The following AGAP1 variants were observed in gnomAD, a reference collection of about 807,000 sequenced individuals.
AGAP1 encodes the protein ArfGAP with GTPase domain, ankyrin repeat and PH domain 1.
AGAP1 carries 29 observed loss-of-function variants against 105.3 expected under a neutral mutation model. The observed-to-expected ratio is 0.28, with a 90% CI of 0.21 to 0.38. The LOEUF (loss-of-function observed/expected upper bound fraction) is 0.38. Ranked by LOEUF, AGAP1 falls within the 10% of genes least tolerant of loss-of-function variation. The probability of loss-of-function intolerance (pLI) is 1.00; values close to 1 mark genes in which losing one functional copy is unlikely to be tolerated. For synonymous variants in AGAP1, 509 were observed against 485.9 expected, an observed-to-expected ratio of 1.05 and a Z score of -0.63; for missense variants, 998 against 1,165.1, an observed-to-expected ratio of 0.86 and a Z score of 2.09.
chr2:235,683,882 G>A (rs112278212), intron 1 of AGAP1, among the ~76,000 whole-genome samples: 74 of 143,338 alleles, frequency 5.2e-4, no homozygotes, highest in African/African-American at 1.9e-3. Context: ...AGTGTGTGAT[G>A]TTCCCCGCCC....
intron 16 of AGAP1, among the ~76,000 whole-genome samples, chr2:236,084,225 G>GA (rs2058863236): frequency 6.7e-6 from 1 of 150,324 alleles, no homozygotes; most frequent in Non-Finnish European, 1.5e-5. Context: ...CTGAAGGGCG[G>GA]GGGGGGGTCT....
Position 235,724,150 on chromosome 2 carries a change from T to G in AGAP1, c.310+6506T>G, listed in dbSNP as rs1420371704. Among the ~76,000 whole-genome samples the G allele has an allele frequency of 6.6e-6, 1 of 152,246 alleles. No homozygotes were observed. The highest frequency in any genetic ancestry group is 1.5e-5 in the Non-Finnish European group (1 of 68,044). On this transcript the variant is annotated intron_variant, in intron 3 of 17. Coordinates refer to ENST00000304032, the MANE Select transcript of AGAP1 (RefSeq NM_001037131.3). This position sits in a 1 kb window ranked among gnomAD's most constrained non-coding sequence, Gnocchi z 4.9. ...CTTCAGTGATGGAATCTGGAGTTTC[T>G]GACTGATTCTTAACCAACTCAAAAT...
intron 16 of AGAP1, among the ~76,000 whole-genome samples, chr2:236,075,926 G>C (rs986780101): frequency 6.6e-6 from 1 of 152,170 alleles, no homozygotes; most frequent in Non-Finnish European, 1.5e-5. Flanking sequence ...GCAAACCTCC[G>C]CAGGGAGTGA....
At chr2:235,710,313 C>T (rs1384117451) in intron 2 of AGAP1, among the ~76,000 whole-genome samples, 3 of 152,188 alleles carry the variant, frequency 2.0e-5, no homozygotes, top group Admixed American at 2.0e-4. Context: ...TTTGAAGAGA[C>T]TTTTGTCACC....
rs974555518 is a variant in AGAP1 at position 235,893,944 on chromosome 2, C to G, written c.1155+10495C>G. Among the ~76,000 whole-genome samples the G allele has an allele frequency of 6.6e-6, 1 of 152,168 alleles. No individual in the cohort carries two copies. The highest frequency in any genetic ancestry group is 1.5e-5 in the Non-Finnish European group (1 of 68,038). The stretch of plus-strand genomic sequence containing the variant: ...TACTCACCATGTCTTACAACATGAC[C>G]TCCCTAAACTGACATAGGGTTGGGT... On this transcript the variant is annotated intron_variant, in intron 10 of 17. Coordinates refer to ENST00000304032, the MANE Select transcript of AGAP1 (RefSeq NM_001037131.3). This position sits in a 1 kb window ranked among gnomAD's most constrained non-coding sequence, Gnocchi z 4.7.
rs540548324 is a variant in AGAP1, at chr2:235,801,098, C to G, written c.957+1576C>G. Among the ~76,000 whole-genome samples the G allele has an allele frequency of 1.3e-5, 2 of 152,318 alleles. No individual in the cohort carries two copies. Among genetic ancestry groups the G allele is most frequent in the East Asian group, 1.9e-4 (1 of 5,170 alleles). Reference sequence around the variant, plus strand: ...CGGTTGCCAGCTGCACACACCCCCTCGTCCCCAGCCTCCCCTTGCTTTTGC... The same window carrying G: ...CGGTTGCCAGCTGCACACACCCCCTGGTCCCCAGCCTCCCCTTGCTTTTGC... On this transcript the variant is annotated intron_variant, in intron 8 of 17. Transcript: ENST00000304032. The surrounding 1 kb of genome is among the most constrained non-coding windows in gnomAD (Gnocchi z 6.0).
intron 1 of AGAP1, among the ~76,000 whole-genome samples, chr2:235,537,596 C>A (rs1048636873): frequency 2.0e-5 from 3 of 152,208 alleles, no homozygotes; most frequent in Non-Finnish European, 4.4e-5. Flanking sequence ...TTAAAGCTTG[C>A]AGCTCTCCAT....
Position 235,739,992 on chromosome 2 carries a change from CG to C in AGAP1, c.311-969del, listed in dbSNP as rs1229517044. ...TCTGGACGGCATCTGCACAGAGGAG[CG>C]GAAGACAAGAGCTGGGAACCGATGC... On this transcript the variant is annotated intron_variant, in intron 3 of 17. Coordinates refer to ENST00000304032, the MANE Select transcript of AGAP1 (RefSeq NM_001037131.3). This position sits in a 1 kb window ranked among gnomAD's most constrained non-coding sequence, Gnocchi z 5.3. Among the ~76,000 whole-genome samples the C allele has an allele frequency of 1.3e-5, 2 of 152,194 alleles. No individual in the cohort carries two copies. Among genetic ancestry groups the C allele is most frequent in the Non-Finnish European group, 2.9e-5 (2 of 68,030 alleles).
intron 12 of AGAP1, among the ~76,000 whole-genome samples, chr2:235,946,308 CAG>C (rs1158284848): frequency 8.5e-6 from 1 of 117,170 alleles, no homozygotes; most frequent in Non-Finnish European, 1.7e-5. Context: ...TTTTTTGAGA[CAG>C]AGTCTTGTTC....
intron 1 of AGAP1, chr2:235,524,530 G>A: frequency 3.0e-6 from 1 of 337,432 alleles, no homozygotes; most frequent in East Asian, 1.3e-4. Flanking sequence ...GCTGCACCCA[G>A]CCCCCATGGG....
Position 235,970,552 on chromosome 2 carries a change from A to G in AGAP1, c.1645+1929A>G, listed in dbSNP as rs1433203785. ...CCCTTTAAGGACAGGCCTTGTTCTCACTTTCACAGGCACGCGTCTTCTTGC... is the reference window on the plus strand; with the variant it reads ...CCCTTTAAGGACAGGCCTTGTTCTCGCTTTCACAGGCACGCGTCTTCTTGC... On this transcript the variant is annotated intron_variant, in intron 13 of 17. Transcript: ENST00000304032. This position sits in a 1 kb window ranked among gnomAD's most constrained non-coding sequence, Gnocchi z 5.4. Among the ~76,000 whole-genome samples, 1 of 152,126 alleles carries G rather than the reference A, an allele frequency of 6.6e-6. No individual in the cohort carries two copies. Among genetic ancestry groups the G allele is most frequent in the Non-Finnish European group, 1.5e-5 (1 of 68,028 alleles).
At chr2:235,640,308 A>G (rs1411062216) in intron 1 of AGAP1, among the ~76,000 whole-genome samples, 1 of 152,232 alleles carries the variant, frequency 6.6e-6, no homozygotes, top group Admixed American at 6.5e-5. Flanking sequence ...AGAGAAAATG[A>G]TCTCTACTGG....
intron 1 of AGAP1, among the ~76,000 whole-genome samples, chr2:235,649,372 T>C (rs558401073): frequency 6.6e-6 from 1 of 152,312 alleles, no homozygotes; most frequent in South Asian, 2.1e-4. Context: ...AGTTTTAATT[T>C]ATTGTTTTAC....
Position 235,908,651 on chromosome 2 carries a change from A to G in AGAP1, c.1156-87A>G, listed in dbSNP as rs1238601132. The G allele has an allele frequency of 7.7e-7, 1 of 1,303,254 alleles. No homozygotes were observed. Among genetic ancestry groups the G allele is most frequent in the Non-Finnish European group, 1.1e-6 (1 of 947,926 alleles). The allele number at this position is 1,303,254 out of a possible 1,614,324, so 80.7% of individuals were successfully genotyped here. On this transcript the variant is annotated intron_variant, in intron 10 of 17. Transcript: ENST00000304032. The surrounding 1 kb of genome is among the most constrained non-coding windows in gnomAD (Gnocchi z 4.4). ...TGGAAGGGTCATAGGGTTTTAACTC[A>G]TGACGTCTGATAGACCCTTTTGTTC...
intron 9 of AGAP1, among the ~76,000 whole-genome samples, chr2:235,813,218 C>T (rs868558925): frequency 6.6e-6 from 1 of 152,224 alleles, no homozygotes; most frequent in African/African-American, 2.4e-5. Flanking sequence ...ACAATATGTT[C>T]CTCACAAGAT....
chr2:236,064,238 A>G (rs998086611), intron 16 of AGAP1, among the ~76,000 whole-genome samples: 2 of 152,212 alleles, frequency 1.3e-5, no homozygotes, highest in African/African-American at 4.8e-5. Flanking sequence ...GCATGGAGTT[A>G]TGGCTGCAAA....
chr2:236,116,838 G>C (rs915604436), intron 16 of AGAP1, among the ~76,000 whole-genome samples: 3 of 151,792 alleles, frequency 2.0e-5, no homozygotes, highest in Admixed American at 1.3e-4. Context: ...GTATCAGTGA[G>C]AACATGCGAT....
At chr2:235,933,266 C>T (rs187456833) in intron 12 of AGAP1, among the ~76,000 whole-genome samples, 129 of 152,138 alleles carry the variant, frequency 8.5e-4, no homozygotes, top group Non-Finnish European at 1.2e-4. Context: ...TGGGGCACTT[C>T]GGACAAAGAC....
In AGAP1 at chr2:236,124,165, A is replaced by G; in HGVS notation, c.*43A>G. On this transcript the variant is annotated 3_prime_UTR_variant, in exon 18 of 18. Coordinates refer to ENST00000304032, the MANE Select transcript of AGAP1 (RefSeq NM_001037131.3). This position sits in a 1 kb window ranked among gnomAD's most constrained non-coding sequence, Gnocchi z 5.1. ...CTGCTCGCCGCACCTGGGACGCGGC[A>G]GCCTCGCCGCATTCTCGCTCAGAAG... is the stretch of plus-strand genomic sequence containing the variant. 6.3e-7 allele frequency: 1 copy of G among 1,597,730 alleles called. No homozygotes were observed. The highest frequency in any genetic ancestry group is 1.1e-5 in the South Asian group (1 of 90,114).
Sources: gnomAD v4.1 joint callset for allele counts (sites outside exome capture counted in the v4.1 genomes callset) on GRCh38, gnomAD v4.1.1 for gene constraint, Gnocchi (gnomAD v3.1) non-coding constraint, MANE v1.5 for transcripts, NCBI Gene and HGNC (gene_info 2026-07-23, HGNC 2026-07-21) for gene names.